The following GXYLT1 variants were observed in gnomAD, a reference collection of about 807,000 sequenced individuals.
The protein encoded by GXYLT1 is glycosyltransferase 8 domain containing 3.
A neutral mutation model predicts 54.0 loss-of-function variants in GXYLT1; 29 were observed. That is an observed-to-expected ratio of 0.54 (90% CI 0.40 to 0.73). The LOEUF (loss-of-function observed/expected upper bound fraction) is 0.73. Among genes scored for constraint, GXYLT1 ranks in the 30% least tolerant of loss-of-function variants. The pLI, the probability that GXYLT1 is intolerant of heterozygous loss-of-function variation, is 0.00. For missense variants in GXYLT1, 490 were observed against 553.4 expected, an observed-to-expected ratio of 0.89 and a Z score of 1.15; for synonymous variants, 176 against 204.1, an observed-to-expected ratio of 0.86 and a Z score of 1.17.
chr12:42,109,495 A>C (rs936457041), intron 4 of GXYLT1, 71 bp downstream of exon 4: 14 of 1,035,886 alleles, frequency 1.4e-5, no homozygotes, highest in Admixed American at 1.2e-4. Flanking sequence ...CTCTTCAGAG[A>C]CTCATGTGTA....
intron 3 of GXYLT1, among the ~76,000 whole-genome samples, chr12:42,114,256 A>G (rs938024766): frequency 6.6e-6 from 1 of 152,254 alleles, no homozygotes; most frequent in African/African-American, 2.4e-5. Context: ...AAAACCTAGC[A>G]GAAGGCAAGA....
intron 1 of GXYLT1, among the ~76,000 whole-genome samples, chr12:42,130,378 A>G (rs1385274070): frequency 6.6e-6 from 1 of 152,202 alleles, no homozygotes; most frequent in South Asian, 2.1e-4. Flanking sequence ...AAAATGGTCA[A>G]TATCACTAAT....
At chr12:42,123,396 T>C (rs1295249445) in intron 2 of GXYLT1, among the ~76,000 whole-genome samples, 2 of 152,150 alleles carry the variant, frequency 1.3e-5, no homozygotes, top group African/African-American at 2.4e-5. Flanking sequence ...GGTAAAATGT[T>C]AATAATAAAT....
In GXYLT1 at chr12:42,113,774, C is replaced by A. The variant is rs1162742163; in HGVS notation, c.487-4083G>T. On this transcript the variant is annotated intron_variant, in intron 3 of 7. Transcript: ENST00000398675. ...GAATTGAACTCAGCTCTGCACCAAG[C>A]GGACCTAATAGACATCTACAGAACT... Among the ~76,000 whole-genome samples the A allele has an allele frequency of 1.3e-5, 2 of 150,860 alleles. 1 individual carries two copies. Among genetic ancestry groups the A allele is most frequent in the African/African-American group, 5.0e-5 (2 of 40,248 alleles).
At chr12:42,136,318 G>C (rs2065619192) in intron 1 of GXYLT1, among the ~76,000 whole-genome samples, 1 of 152,162 alleles carries the variant, frequency 6.6e-6, no homozygotes, top group Admixed American at 6.5e-5. Flanking sequence ...CCAGGTTCTG[G>C]CTATTAGTTG....
In GXYLT1 at chr12:42,095,259, T is replaced by A. The variant is rs191511823; in HGVS notation, c.1161+2183A>T. ...ATAATTTCAATCCAATAATCCCACT[T>A]CTAGGAATTTACCATGAAGATTCAC... On this transcript the variant is annotated intron_variant, in intron 7 of 7. Transcript: ENST00000398675. 2.8e-4 allele frequency among the ~76,000 whole-genome samples: 43 copies of A among 152,284 alleles called. 1 individual carries two copies. The highest frequency in any genetic ancestry group is 7.8e-4 in the Admixed American group (12 of 15,296).
chr12:42,143,164 T>C (rs1281972055), intron 1 of GXYLT1, among the ~76,000 whole-genome samples: 1 of 152,222 alleles, frequency 6.6e-6, no homozygotes, highest in East Asian at 1.9e-4. Context: ...TTTCATTCAA[T>C]ATTTAATTAA....
rs929110579 is a variant in GXYLT1, at chr12:42,082,117, A to G, written c.*5669T>C. 2.0e-5 allele frequency: 3 copies of G among 152,250 alleles called. No homozygotes were observed. Among genetic ancestry groups the G allele is most frequent in the African/African-American group, 7.2e-5 (3 of 41,464 alleles). The allele number at this position is 152,250 out of a possible 1,614,324, so 9.4% of individuals were successfully genotyped here. A position where few individuals can be genotyped will look rare whatever the true frequency, so the allele number is the denominator to read the frequency against. On this transcript the variant is annotated 3_prime_UTR_variant, in exon 8 of 8. Coordinates refer to ENST00000398675, the MANE Select transcript of GXYLT1 (RefSeq NM_173601.2). ...TATTCTCTACATACCACAGTATACA[A>G]TGATGCCTTCCTGCAGGTTTAGAAC...
At chr12:42,107,020 T>A (rs941163976) in intron 4 of GXYLT1, among the ~76,000 whole-genome samples, 1 of 152,160 alleles carries the variant, frequency 6.6e-6, no homozygotes, top group Admixed American at 6.5e-5. Context: ...GTGCTGGGAT[T>A]ACAGGCACGA....
rs1345367491 is a variant in GXYLT1 at position 42,087,438 on chromosome 12, G to A, written c.*348C>T. 4 of 183,764 alleles carry A rather than the reference G, an allele frequency of 2.2e-5. No homozygotes were observed. Among genetic ancestry groups the A allele is most frequent in the East Asian group, 1.9e-4 (1 of 5,378 alleles). 11.4% of individuals were successfully genotyped at this position (183,764 alleles called of 1,614,324 possible). Reference sequence around the variant, plus strand: ...TGCTCTACTCACAGTCTTGAGTGTTGGCACTGTTTGAGGTACATTTTCTCC... The same window carrying A: ...TGCTCTACTCACAGTCTTGAGTGTTAGCACTGTTTGAGGTACATTTTCTCC... On this transcript the variant is annotated 3_prime_UTR_variant, in exon 8 of 8. Coordinates refer to ENST00000398675, the MANE Select transcript of GXYLT1 (RefSeq NM_173601.2).
intron 2 of GXYLT1, among the ~76,000 whole-genome samples, chr12:42,128,975 C>A (rs1426881848): frequency 6.6e-6 from 1 of 152,156 alleles, no homozygotes. Context: ...CATACCCAAC[C>A]TAGACTATTT....
Position 42,137,852 on chromosome 12 carries a change from T to C in GXYLT1, c.221+6574A>G, listed in dbSNP as rs78510569. Among the ~76,000 whole-genome samples the C allele has an allele frequency of 6.5e-3, 991 of 151,432 alleles. 42 individuals carry two copies. The East Asian group carries it at 0.09, about 14-fold the overall frequency. On this transcript the variant is annotated intron_variant, in intron 1 of 7. Transcript: ENST00000398675. ...ATGAAGTGCTGCTGCAAAGCAGTAA[T>C]GCAACTTCAAGGCATGTATACCCTC...
chr12:42,118,440 C>G (rs1430907807), intron 3 of GXYLT1, among the ~76,000 whole-genome samples: 1 of 152,202 alleles, frequency 6.6e-6, no homozygotes. Context: ...AAGTAGCCCA[C>G]TGCTGTTCAA....
At chr12:42,108,121 A>T (rs1370265050) in intron 4 of GXYLT1, among the ~76,000 whole-genome samples, 1 of 152,238 alleles carries the variant, frequency 6.6e-6, no homozygotes, top group East Asian at 1.9e-4. Context: ...GACAGGTTTC[A>T]AGTAGTTCTT....
Position 42,097,366 on chromosome 12 carries a change from C to T in GXYLT1, c.1161+76G>A, listed in dbSNP as rs180977321. 805 of 1,159,146 alleles carry T rather than the reference C, an allele frequency of 6.9e-4. 1 individual carries two copies. The highest frequency in any genetic ancestry group is 1.5e-3 in the Admixed American group (54 of 36,168). The allele number at this position is 1,159,146 out of a possible 1,614,324, so 71.8% of individuals were successfully genotyped here. ...TGAGTGTGTGTAAAAATTCTTTGTA[C>T]TATTTTTGTAAACTAACCATTAGCT... On this transcript the variant is annotated intron_variant, in intron 7 of 7. Transcript: ENST00000398675.
intron 7 of GXYLT1, 46 bp from the exon 8 acceptor site, chr12:42,087,993 G>A (rs767200986): frequency 3.8e-5 from 38 of 1,010,214 alleles, no homozygotes; most frequent in African/African-American, 5.0e-5. Context: ...AAAGGCAAAG[G>A]TACATATGTA....
chr12:42,093,847 T>C (rs1477124123), intron 7 of GXYLT1, among the ~76,000 whole-genome samples: 1 of 152,098 alleles, frequency 6.6e-6, no homozygotes, highest in South Asian at 2.1e-4. Flanking sequence ...CAAAGATAGA[T>C]TCTTAAGTAA....
chr12:42,128,125 G>T (rs1276607045), intron 2 of GXYLT1, among the ~76,000 whole-genome samples: 4 of 152,232 alleles, frequency 2.6e-5, no homozygotes, highest in African/African-American at 9.6e-5. Flanking sequence ...GTGATGGAAA[G>T]ATGTTGACCA....
intron 5 of GXYLT1, among the ~76,000 whole-genome samples, chr12:42,098,760 C>CATATATATTTATATATATATATATATAT (rs1555139379): frequency 1.0e-5 from 1 of 96,918 alleles, no homozygotes; most frequent in Non-Finnish European, 2.0e-5. Context: ...AAATTTAAAA[C>CATATATATTTATATATATATATATATAT]ATATATATAT....
Sources: allele counts gnomAD v4.1 joint callset (sites outside exome capture counted in the v4.1 genomes callset), GRCh38; gene constraint gnomAD v4.1.1; transcripts MANE v1.5; gene names NCBI Gene and HGNC (gene_info 2026-07-23, HGNC 2026-07-21).